Variants in FUT8 observed in about 807,000 individuals in gnomAD.
The protein encoded by FUT8 is fucosyltransferase 8, also known as alpha-(1,6)-fucosyltransferase.
FUT8 carries 29 observed loss-of-function variants against 71.3 expected under a neutral mutation model. That is an observed-to-expected ratio of 0.41 (90% CI 0.30 to 0.55). The LOEUF (loss-of-function observed/expected upper bound fraction) is 0.55, where lower values mean the gene tolerates loss of function less well. FUT8 is among the 20% of genes least tolerant of loss of function. FUT8 has a pLI of 0.34. For missense variants in FUT8, 544 were observed against 702.1 expected (o/e 0.77, Z 2.55); for synonymous variants, 254 against 239.3 (o/e 1.06, Z -0.57).
At chr14:65,622,030 G>T (rs1272220804) in intron 5 of FUT8, among the ~76,000 whole-genome samples, 1 of 152,144 alleles carries the variant, frequency 6.6e-6, no homozygotes, top group East Asian at 1.9e-4. Context: ...CACCATGTTG[G>T]CCAGGCTGGT....
intron 6 of FUT8, among the ~76,000 whole-genome samples, chr14:65,642,313 C>A (rs1890878261): frequency 6.6e-6 from 1 of 152,000 alleles, no homozygotes; most frequent in South Asian, 2.1e-4. Flanking sequence ...TATCAAAAAT[C>A]AATTGACTGC....
At chr14:65,370,941 C>T in the FUT8 span, among the ~76,000 whole-genome samples, 5 of 152,254 alleles carry the variant, frequency 3.3e-5, no homozygotes, top group African/African-American at 9.6e-5. Flanking sequence ...TTAGGCTTTT[C>T]GGGGCAGCAA....
chr14:65,475,940 C>T (rs904510247), intron 2 of FUT8, among the ~76,000 whole-genome samples: 9 of 152,084 alleles, frequency 5.9e-5, no homozygotes, highest in South Asian at 2.1e-4. Flanking sequence ...GGGAAAGGGT[C>T]TTTCTCACCC....
chr14:65,448,680 A>G (rs2065778764), intron 1 of FUT8, among the ~76,000 whole-genome samples: 1 of 152,178 alleles, frequency 6.6e-6, no homozygotes, highest in Non-Finnish European at 1.5e-5. Flanking sequence ...ATGGGGTGGG[A>G]AAAATAAACA....
At chr14:65,516,794 T>C (rs1325214442) in intron 2 of FUT8, among the ~76,000 whole-genome samples, 1 of 152,022 alleles carries the variant, frequency 6.6e-6, no homozygotes, top group Non-Finnish European at 1.5e-5. Flanking sequence ...AGTTCATTGT[T>C]ATGCAACCAT....
chr14:65,729,167 T>C (rs532195941), intron 9 of FUT8, among the ~76,000 whole-genome samples: 15 of 150,542 alleles, frequency 1.0e-4, no homozygotes, highest in African/African-American at 3.4e-4. Flanking sequence ...CTGGGACCAT[T>C]GGCATGCAGC....
chr14:65,699,107 G>A (rs762570766), intron 7 of FUT8, among the ~76,000 whole-genome samples: 2 of 146,996 alleles, frequency 1.4e-5, no homozygotes, highest in Non-Finnish European at 3.0e-5. Context: ...TACACCTCTC[G>A]CTGTCTTGTG....
chr14:65,484,824 T>TTCTTTTTGTGTTCTTTTC (rs2066385045), intron 2 of FUT8, among the ~76,000 whole-genome samples: 2 of 152,224 alleles, frequency 1.3e-5, no homozygotes, highest in Non-Finnish European at 2.9e-5. Context: ...GCTCTTTATA[T>TTCTTTTTGTGTTCTTTTC]TCTTTTTGTG....
In FUT8 at chr14:65,669,347, A is replaced by G. The variant is rs1481423426; in HGVS notation, c.702A>G (p.Ala234=). The G allele has an allele frequency of 4.3e-6, 7 of 1,613,856 alleles. No individual in the cohort carries two copies. Among genetic ancestry groups the G allele is most frequent in the Non-Finnish European group, 5.1e-6 (6 of 1,179,846 alleles). ...LHHVVYCFMI[A]YGTQRTLILE... is the part of the protein sequence containing the mutation. ...ATGTGGTCTACTGCTTCATGATTGC[A>G]TATGGCACCCAGCGAACACTCATCT... Residue 234 remains alanine (A), a synonymous_variant, in exon 7 of 11, where the codon GCA becomes GCG. Transcript: ENST00000673929. This position sits in a 1 kb window ranked among gnomAD's most constrained non-coding sequence, Gnocchi z 4.5.
chr14:65,523,259 C>T (rs1054060093), intron 2 of FUT8, among the ~76,000 whole-genome samples: 22 of 152,218 alleles, frequency 1.4e-4, no homozygotes, highest in Middle Eastern at 3.4e-3. Context: ...TTTTAATGAC[C>T]GCCATTCTAA....
the FUT8 span, among the ~76,000 whole-genome samples, chr14:65,392,132 A>G: frequency 1.1e-3 from 160 of 151,690 alleles, 1 homozygote; most frequent in African/African-American, 3.7e-3. Context: ...GGGTTTCTCA[A>G]TGTTGGTCAG....
chr14:65,506,013 G>T (rs1037567746), intron 2 of FUT8, among the ~76,000 whole-genome samples: 1 of 152,052 alleles, frequency 6.6e-6, no homozygotes, highest in African/African-American at 2.4e-5. Flanking sequence ...CTGTGTAAAG[G>T]GTTCAGAGGT....
At chr14:65,454,634 A>G (rs897761946) in intron 1 of FUT8, among the ~76,000 whole-genome samples, 4 of 152,172 alleles carry the variant, frequency 2.6e-5, no homozygotes, top group Non-Finnish European at 5.9e-5. Context: ...GCTTCTCACA[A>G]TTAATAATGT....
chr14:65,587,321 A>C (rs1662303726), intron 3 of FUT8, among the ~76,000 whole-genome samples: 1 of 152,226 alleles, frequency 6.6e-6, no homozygotes, highest in African/African-American at 2.4e-5. Context: ...GATGAGAAAA[A>C]GTGAAGTTCA....
At chr14:65,460,529 T>C (rs1434497516) in intron 2 of FUT8, among the ~76,000 whole-genome samples, 1 of 152,146 alleles carries the variant, frequency 6.6e-6, no homozygotes, top group Non-Finnish European at 1.5e-5. Flanking sequence ...CAGTAAAAAA[T>C]ATGGTACTCT....
chr14:65,499,868 T>C (rs564272645), intron 2 of FUT8, among the ~76,000 whole-genome samples: 2 of 152,036 alleles, frequency 1.3e-5, no homozygotes, highest in South Asian at 4.1e-4. Flanking sequence ...TATTTAGTTA[T>C]AAGTATTATT....
At chr14:65,471,113 A>G (rs985682629) in intron 2 of FUT8, 1 of 459,360 alleles carries the variant, frequency 2.2e-6, no homozygotes. Flanking sequence ...GGGTAGAGGG[A>G]TGAGGGGGAA....
chr14:65,526,703 G>A (rs1033839552), intron 2 of FUT8, among the ~76,000 whole-genome samples: 5 of 152,188 alleles, frequency 3.3e-5, no homozygotes, highest in African/African-American at 1.2e-4. Context: ...GCTGGTACTG[G>A]TTATTCCTTT....
chr14:65,590,053 A>G (rs1161503768), intron 3 of FUT8, among the ~76,000 whole-genome samples: 4 of 152,172 alleles, frequency 2.6e-5, no homozygotes, highest in African/African-American at 9.6e-5. Flanking sequence ...GGGGAAAGAA[A>G]CAGAAAGATA....
Sources: gnomAD v4.1 joint callset for allele counts (sites outside exome capture counted in the v4.1 genomes callset) on GRCh38, gnomAD v4.1.1 for gene constraint, Gnocchi (gnomAD v3.1) non-coding constraint, MANE v1.5 for transcripts, NCBI Gene and HGNC (gene_info 2026-07-23, HGNC 2026-07-21) for gene names.